Variants in MAGI1 observed in about 807,000 individuals in gnomAD.
MAGI1 encodes the protein membrane-associated guanylate kinase, WW and PDZ domain-containing protein 1.
A neutral mutation model predicts 139.9 loss-of-function variants in MAGI1; 58 were observed. The ratio of observed to expected loss-of-function variants is 0.41; its 90% confidence interval spans 0.34 to 0.52. The LOEUF is 0.52. MAGI1 is among the 20% of genes least tolerant of loss of function. The probability of loss-of-function intolerance (pLI) is 0.12; values close to 1 mark genes in which losing one functional copy is unlikely to be tolerated. For synonymous variants in MAGI1, 812 were observed against 737.9 expected (o/e 1.10, Z -1.63); for missense variants, 1,874 against 1,901.6 (o/e 0.99, Z 0.27).
chr3:65,846,210 T>C (rs997701994), intron 1 of MAGI1, among the ~76,000 whole-genome samples: 2 of 152,226 alleles, frequency 1.3e-5, no homozygotes, highest in Non-Finnish European at 2.9e-5. Context: ...GTGAAAGTAT[T>C]ATTTTCAAGA....
intron 1 of MAGI1, among the ~76,000 whole-genome samples, chr3:65,879,887 C>T (rs2060256732): frequency 6.6e-6 from 1 of 152,178 alleles, no homozygotes; most frequent in Non-Finnish European, 1.5e-5. Context: ...CTCTAATTAC[C>T]TATTACAGTC....
intron 6 of MAGI1, chr3:65,452,652 A>T (rs1369128643): frequency 6.6e-6 from 1 of 152,048 alleles, no homozygotes; most frequent in Admixed American, 6.6e-5. Flanking sequence ...TTTCAACAAA[A>T]GCTCTTACAG....
chr3:65,493,410 T>A (rs1397158728), intron 3 of MAGI1, 102 bp downstream of exon 3: 3 of 1,411,372 alleles, frequency 2.1e-6, no homozygotes, highest in Non-Finnish European at 2.9e-6. Flanking sequence ...CTGTTATTTG[T>A]TTAGACCTCC....
intron 1 of MAGI1, among the ~76,000 whole-genome samples, chr3:65,847,530 A>C (rs555575449): frequency 6.6e-6 from 1 of 152,312 alleles, no homozygotes; most frequent in South Asian, 2.1e-4. Flanking sequence ...ATTTTTATCC[A>C]TATGGAGATA....
intron 1 of MAGI1, among the ~76,000 whole-genome samples, chr3:65,672,379 G>T (rs1499502): frequency 0.34 from 51,830 of 152,022 alleles, 9,320 homozygotes; most frequent in East Asian, 0.58. Flanking sequence ...AAGCTCCAAA[G>T]GAGAAACTGC....
At chr3:65,704,694 T>C (rs1499507) in intron 1 of MAGI1, among the ~76,000 whole-genome samples, 85,972 of 151,800 alleles carry the variant, frequency 0.57, 25,279 homozygotes, top group African/African-American at 0.72. Flanking sequence ...TTAATCAGTT[T>C]CTGAAAATTT....
chr3:65,787,213 T>G (rs1199175236), intron 1 of MAGI1, among the ~76,000 whole-genome samples: 1 of 151,924 alleles, frequency 6.6e-6, no homozygotes, highest in East Asian at 1.9e-4. Context: ...CTCTGAAAGG[T>G]TTTTCATTTG....
At chr3:65,549,504 C>T in intron 2 of MAGI1, 1 of 985,088 alleles carries the variant, frequency 1.0e-6, no homozygotes, top group Admixed American at 6.1e-5. Context: ...CGCGTCTGAG[C>T]GGCCCGGCGG....
At chr3:65,707,681 C>A (rs1219931669) in intron 1 of MAGI1, among the ~76,000 whole-genome samples, 4 of 134,824 alleles carry the variant, frequency 3.0e-5, no homozygotes, top group Admixed American at 7.3e-5. Flanking sequence ...CAGAGTGATA[C>A]CCTATCTCAA....
At position 65,698,576 on chromosome 3, in the gene MAGI1, T is replaced by C. The variant is rs891372076; in HGVS notation, c.314-76488A>G. On this transcript the variant is annotated intron_variant, in intron 1 of 22. Coordinates refer to ENST00000402939, the MANE Select transcript of MAGI1 (RefSeq NM_001033057.2). ...GAGCCCTCAGAAATAACGCTGCATA[T>C]CTACAACTATCTGATCTTTGACAAA... 4.0e-3 allele frequency among the ~76,000 whole-genome samples: 612 copies of C among 152,080 alleles called. 5 individuals carry two copies. Among genetic ancestry groups the C allele is most frequent in the African/African-American group, 0.014 (588 of 41,450 alleles).
intron 1 of MAGI1, among the ~76,000 whole-genome samples, chr3:65,723,367 C>T (rs1697384563): frequency 6.6e-6 from 1 of 152,112 alleles, no homozygotes; most frequent in Non-Finnish European, 1.5e-5. Context: ...GCAGAACATC[C>T]AGTATCTGGA....
intron 2 of MAGI1, among the ~76,000 whole-genome samples, chr3:65,544,582 C>T (rs2079411241): frequency 6.6e-6 from 1 of 152,082 alleles, no homozygotes; most frequent in Admixed American, 6.5e-5. Flanking sequence ...TGCTACAACT[C>T]TAATATTTAA....
At chr3:65,592,900 G>C (rs1409637067) in intron 2 of MAGI1, among the ~76,000 whole-genome samples, 1 of 152,062 alleles carries the variant, frequency 6.6e-6, no homozygotes, top group Non-Finnish European at 1.5e-5. Context: ...GATCTTATTA[G>C]AAGTAAATTA....
chr3:65,816,225 C>T (rs954639595), intron 1 of MAGI1, among the ~76,000 whole-genome samples: 1 of 151,322 alleles, frequency 6.6e-6, no homozygotes, highest in Non-Finnish European at 1.5e-5. Flanking sequence ...CTTAAACGTT[C>T]ATAGAGGACG....
intron 1 of MAGI1, among the ~76,000 whole-genome samples, chr3:65,793,416 C>T (rs569068728): frequency 3.9e-5 from 6 of 152,298 alleles, no homozygotes; most frequent in African/African-American, 1.4e-4. Flanking sequence ...CACTGTGAAT[C>T]CCAGGATCTC....
intron 1 of MAGI1, among the ~76,000 whole-genome samples, chr3:65,884,524 T>TGTG (rs2060457706): frequency 1.3e-5 from 2 of 152,222 alleles, no homozygotes; most frequent in African/African-American, 4.8e-5. Flanking sequence ...TTGAATCCAT[T>TGTG]TTCTAACTAC....
At chr3:65,428,494 C>G (rs141890191) in intron 12 of MAGI1, among the ~76,000 whole-genome samples, 1,594 of 152,224 alleles carry the variant, frequency 0.01, 27 homozygotes, top group Admixed American at 0.047. Context: ...CTCTGAGATC[C>G]TAAACTACTA....
chr3:65,737,959 C>A (rs2034922063), intron 1 of MAGI1, among the ~76,000 whole-genome samples: 1 of 152,148 alleles, frequency 6.6e-6, no homozygotes. Context: ...CATTCCCTTA[C>A]AATATTCTAA....
At chr3:65,991,107 C>T (rs2066147350) in intron 1 of MAGI1, among the ~76,000 whole-genome samples, 1 of 151,690 alleles carries the variant, frequency 6.6e-6, no homozygotes, top group African/African-American at 2.4e-5. Context: ...TGGCCAACAG[C>T]GTGAAACTCC....
Sources: allele counts gnomAD v4.1 joint callset (sites outside exome capture counted in the v4.1 genomes callset), GRCh38; gene constraint gnomAD v4.1.1; transcripts MANE v1.5; gene names NCBI Gene and HGNC (gene_info 2026-07-23, HGNC 2026-07-21).